Variants in NLRP8 observed in about 807,000 individuals in gnomAD.
NLRP8 encodes the protein NACHT, LRR and PYD domains-containing protein 8.
NLRP8 carries 86 observed loss-of-function variants against 88.7 expected under a neutral mutation model. That is an observed-to-expected ratio of 0.97 (90% CI 0.81 to 1.16). The LOEUF (loss-of-function observed/expected upper bound fraction) is 1.16. Among genes scored for constraint, NLRP8 ranks in the 50% most tolerant of loss-of-function variants. The pLI is 0.00. For synonymous variants in NLRP8, 504 were observed against 494.6 expected (o/e 1.02, Z -0.25); for missense variants, 1,342 against 1,286.5 (o/e 1.04, Z -0.66).
At chr19:55,978,025 G>A (rs1980419665) in intron 8 of NLRP8, among the ~76,000 whole-genome samples, 1 of 152,068 alleles carries the variant, frequency 6.6e-6, no homozygotes, top group Non-Finnish European at 1.5e-5. Flanking sequence ...ACACTTGAAA[G>A]TGTTTATGCA....
chr19:55,983,333 G>C (rs138321208), intron 9 of NLRP8, among the ~76,000 whole-genome samples: 3 of 151,702 alleles, frequency 2.0e-5, no homozygotes, highest in Admixed American at 2.0e-4. Context: ...GCGTGGTGGT[G>C]CATGCCTGTA....
rs79173589 is a variant in NLRP8, at chr19:55,964,956, G to A, written c.2214-1257G>A. ...GATTCAGCAGTGAACATAAGCATTAGAGGTGCAAGGCAAATCTGTGTCCCT... is the reference window on the plus strand; with the variant it reads ...GATTCAGCAGTGAACATAAGCATTAAAGGTGCAAGGCAAATCTGTGTCCCT... On this transcript the variant is annotated intron_variant, in intron 4 of 9. Coordinates refer to ENST00000291971, the MANE Select transcript of NLRP8 (RefSeq NM_176811.2). Among the ~76,000 whole-genome samples the A allele has an allele frequency of 7.2e-5, 11 of 152,204 alleles. No homozygotes were observed. In the East Asian group the frequency reaches 1.9e-3, roughly 27 times the overall value.
intron 9 of NLRP8, among the ~76,000 whole-genome samples, chr19:55,984,318 A>G (rs972614187): frequency 1.3e-5 from 2 of 152,132 alleles, no homozygotes; most frequent in African/African-American, 4.8e-5. Flanking sequence ...AAAGCATAAA[A>G]TTTCTTTTAT....
At chr19:55,965,869 T>C (rs1273889959) in intron 4 of NLRP8, among the ~76,000 whole-genome samples, 1 of 142,384 alleles carries the variant, frequency 7.0e-6, no homozygotes, top group African/African-American at 2.6e-5. Context: ...TGTGTTCTCA[T>C]TGTTGAACTC....
chr19:55,970,198 TA>T (rs1980011396), intron 5 of NLRP8, among the ~76,000 whole-genome samples: 1 of 152,226 alleles, frequency 6.6e-6, no homozygotes, highest in South Asian at 2.1e-4. Flanking sequence ...CCTTCTATAA[TA>T]TACACATAAA....
chr19:55,977,393 C>A (rs117459524), intron 8 of NLRP8, among the ~76,000 whole-genome samples: 1 of 137,460 alleles, frequency 7.3e-6, no homozygotes, highest in Non-Finnish European at 1.5e-5. Flanking sequence ...AAAATAAATA[C>A]GAATATATTA....
chr19:55,966,117 C>T (rs1313921451), intron 4 of NLRP8, 96 bp from the exon 5 acceptor site: 16 of 1,097,910 alleles, frequency 1.5e-5, no homozygotes, highest in Non-Finnish European at 2.0e-5. Flanking sequence ...CTGCACCTGT[C>T]CCACGTGCAG....
chr19:55,985,992 C>G (rs1026105614), intron 9 of NLRP8, among the ~76,000 whole-genome samples: 2 of 151,864 alleles, frequency 1.3e-5, no homozygotes, highest in African/African-American at 2.4e-5. Context: ...GAGCAAGACT[C>G]CACATCAAAA....
Position 55,955,851 on chromosome 19 carries a change from A to G in NLRP8, c.1793A>G (p.Asp598Gly). ...GTCATACCTCTGTTGCATAAATGTG[A>G]CCCACCTTCTCCGGGCAGTGGGGTC... Residue 598 changes from aspartate to glycine, a missense_variant, in exon 3 of 10, where the codon GAC (aspartate) becomes GGC (glycine). Physicochemically the swap from Asp to Gly is moderately conservative, Grantham distance 94 (BLOSUM62 -1). Coordinates refer to ENST00000291971, the MANE Select transcript of NLRP8 (RefSeq NM_176811.2). 5 of 1,614,096 alleles carry G rather than the reference A, an allele frequency of 3.1e-6. No individual in the cohort carries two copies. Among genetic ancestry groups the G allele is most frequent in the Non-Finnish European group, 4.2e-6 (5 of 1,180,014 alleles).
At chr19:55,976,793 C>CATATATATGCATATATATGTATATAAAG (rs1568468249) in intron 8 of NLRP8, among the ~76,000 whole-genome samples, 4 of 23,500 alleles carry the variant, frequency 1.7e-4, no homozygotes, top group African/African-American at 4.5e-4. Context: ...TATAAAGATA[C>CATATATATGCATATATATGTATATAAAG]ATGTGGCCAG....
At chr19:55,950,287 C>T (rs1227570323) in intron 1 of NLRP8, among the ~76,000 whole-genome samples, 4 of 149,974 alleles carry the variant, frequency 2.7e-5, no homozygotes, top group Non-Finnish European at 4.4e-5. Context: ...GGCGTGGTGA[C>T]GGGTGCCTGT....
intron 7 of NLRP8, among the ~76,000 whole-genome samples, chr19:55,975,519 AC>A (rs1170111861): frequency 6.6e-6 from 1 of 152,148 alleles, no homozygotes; most frequent in Non-Finnish European, 1.5e-5. Context: ...AATACCCAAG[AC>A]CTGGAAACAA....
At chr19:55,966,175 C>G (rs759979811) in intron 4 of NLRP8, 38 bp from the exon 5 acceptor site, 111 of 1,598,650 alleles carry the variant, frequency 6.9e-5, no homozygotes, top group Non-Finnish European at 9.2e-5. Context: ...CGACTGTGGA[C>G]GGGACCCTAT....
At chr19:55,954,377 T>G (rs1337930292) in intron 2 of NLRP8, 124 bp from the exon 3 acceptor site, 45 of 957,174 alleles carry the variant, frequency 4.7e-5, no homozygotes, top group Non-Finnish European at 4.7e-5. Context: ...AAAGGTTATT[T>G]CATTTATGCA....
chr19:55,979,911 C>T (rs1600317301), intron 9 of NLRP8, among the ~76,000 whole-genome samples: 1 of 152,108 alleles, frequency 6.6e-6, no homozygotes, highest in South Asian at 2.1e-4. Context: ...AGAGTGAGAC[C>T]CTGTCTCTTA....
chr19:55,984,608 C>G (rs372033067), intron 9 of NLRP8, among the ~76,000 whole-genome samples: 14 of 147,304 alleles, frequency 9.5e-5, no homozygotes, highest in African/African-American at 3.1e-4. Context: ...GAGCCGAGAT[C>G]GCGCCATTGC....
chr19:55,976,958 T>A (rs1162322660), intron 8 of NLRP8, among the ~76,000 whole-genome samples: 5 of 149,106 alleles, frequency 3.4e-5, no homozygotes, highest in African/African-American at 1.2e-4. Context: ...TGGGCGCCTC[T>A]AGTCCCAGCT....
chr19:55,951,528 A>C (rs1467010570), intron 1 of NLRP8, among the ~76,000 whole-genome samples: 1 of 152,244 alleles, frequency 6.6e-6, no homozygotes, highest in Non-Finnish European at 1.5e-5. Flanking sequence ...GCACACATAC[A>C]TAGATATTAA....
chr19:55,981,835 T>A (rs999712534), intron 9 of NLRP8, among the ~76,000 whole-genome samples: 1 of 152,228 alleles, frequency 6.6e-6, no homozygotes, highest in African/African-American at 2.4e-5. Context: ...AATGTTTTTT[T>A]TCCCCTTCTG....
Sources: allele counts gnomAD v4.1 joint callset (sites outside exome capture counted in the v4.1 genomes callset), GRCh38; gene constraint gnomAD v4.1.1; transcripts MANE v1.5; gene names NCBI Gene and HGNC (gene_info 2026-07-23, HGNC 2026-07-21).